The following SLC4A10 variants were observed in gnomAD, a reference collection of about 807,000 sequenced individuals.
SLC4A10 encodes sodium-driven chloride bicarbonate exchanger.
In SLC4A10, 42 loss-of-function variants were observed where a neutral mutation model predicts 137.7. That is an observed-to-expected ratio of 0.30 (90% CI 0.24 to 0.39). The LOEUF is 0.39. Ranked by LOEUF, SLC4A10 falls within the 10% of genes least tolerant of loss-of-function variation. The probability of loss-of-function intolerance (pLI) is 1.00; values close to 1 mark genes in which losing one functional copy is unlikely to be tolerated. For synonymous variants in SLC4A10, 474 were observed against 464.1 expected, an observed-to-expected ratio of 1.02 and a Z score of -0.27; for missense variants, 925 against 1,355.0, an observed-to-expected ratio of 0.68 and a Z score of 4.98.
intron 1 of SLC4A10, among the ~76,000 whole-genome samples, chr2:161,725,675 T>C (rs1235312223): frequency 6.6e-6 from 1 of 152,206 alleles, no homozygotes; most frequent in East Asian, 1.9e-4. Context: ...TCATTTGAGA[T>C]GTCTAAAGAA....
chr2:161,876,539 G>T (rs888071358), intron 8 of SLC4A10, among the ~76,000 whole-genome samples: 7 of 151,948 alleles, frequency 4.6e-5, no homozygotes, highest in African/African-American at 1.7e-4. Context: ...AATCAGCCAG[G>T]CATGGTGGCG....
intron 1 of SLC4A10, among the ~76,000 whole-genome samples, chr2:161,730,141 ACT>A (rs1016140530): frequency 2.6e-5 from 4 of 152,238 alleles, no homozygotes; most frequent in Non-Finnish European, 5.9e-5. Context: ...TAATTTAATT[ACT>A]TTGTTGCACT....
At chr2:161,770,905 AG>A in intron 1 of SLC4A10, 67 bp from the exon 2 acceptor site, 1 of 1,064,148 alleles carries the variant, frequency 9.4e-7, no homozygotes. Context: ...AATTATATCA[AG>A]GTTTGTTTTT....
chr2:161,665,606 A>G (rs1275416598), intron 1 of SLC4A10, among the ~76,000 whole-genome samples: 4 of 151,792 alleles, frequency 2.6e-5, no homozygotes, highest in Non-Finnish European at 4.4e-5. Context: ...AATGTATAGT[A>G]GTAGACACAA....
intron 9 of SLC4A10, among the ~76,000 whole-genome samples, chr2:161,879,550 T>G (rs1575419469): frequency 6.6e-6 from 1 of 151,166 alleles, no homozygotes; most frequent in Admixed American, 6.6e-5. Flanking sequence ...TGAATCCTTT[T>G]TTTTTTTTTT....
intron 1 of SLC4A10, among the ~76,000 whole-genome samples, chr2:161,759,720 G>A (rs969170050): frequency 4.0e-5 from 6 of 151,700 alleles, no homozygotes; most frequent in Non-Finnish European, 8.8e-5. Context: ...TTTTGCTATT[G>A]AGTTGTATTA....
At chr2:161,925,700 C>A (rs954982977) in intron 15 of SLC4A10, among the ~76,000 whole-genome samples, 23 of 152,026 alleles carry the variant, frequency 1.5e-4, no homozygotes, top group Admixed American at 1.2e-3. Context: ...GTGCTATAAA[C>A]TTCCCTCTAC....
intron 22 of SLC4A10, 144 bp downstream of exon 22, chr2:161,964,452 T>A: frequency 1.2e-6 from 1 of 835,540 alleles, no homozygotes. Flanking sequence ...AAAGTGTGAC[T>A]AAGATAGGGT....
intron 17 of SLC4A10, 109 bp downstream of exon 17, chr2:161,947,836 A>G (rs749496102): frequency 4.0e-6 from 5 of 1,242,632 alleles, no homozygotes; most frequent in Non-Finnish European, 4.4e-6. Context: ...GTGAGCTGCC[A>G]GGTTAGTTGT....
rs573345597 is a variant in SLC4A10 at position 161,856,871 on chromosome 2, C to T, written c.577+1741C>T. On this transcript the variant is annotated intron_variant, in intron 5 of 26. Transcript: ENST00000446997. ...AAAGGTTAAAGGCCTTGCTCTAAGG[C>T]GTTTATTTCTGCCGCTTAAATCGAT... 2.8e-4 allele frequency among the ~76,000 whole-genome samples: 42 copies of T among 152,196 alleles called. 1 individual carries two copies. The highest frequency in any genetic ancestry group is 4.8e-4 in the African/African-American group (20 of 41,554).
At chr2:161,976,183 A>G (rs1575963837) in intron 24 of SLC4A10, among the ~76,000 whole-genome samples, 1 of 152,320 alleles carries the variant, frequency 6.6e-6, no homozygotes, top group East Asian at 1.9e-4. Flanking sequence ...TAATTGAGAG[A>G]AATATTCAAT....
chr2:161,763,254 C>T (rs571418961), intron 1 of SLC4A10, among the ~76,000 whole-genome samples: 2 of 152,010 alleles, frequency 1.3e-5, no homozygotes, highest in Non-Finnish European at 2.9e-5. Context: ...AAGTCGTGTA[C>T]GTAGGTTGCC....
At chr2:161,650,013 A>G (rs749615258) in intron 1 of SLC4A10, among the ~76,000 whole-genome samples, 2 of 152,222 alleles carry the variant, frequency 1.3e-5, no homozygotes, top group Non-Finnish European at 2.9e-5. Context: ...ACATTGGTGT[A>G]TTACTTTCAA....
chr2:161,756,043 A>C (rs922290143), intron 1 of SLC4A10, among the ~76,000 whole-genome samples: 1 of 152,068 alleles, frequency 6.6e-6, no homozygotes, highest in Non-Finnish European at 1.5e-5. Context: ...TGCTGGGATT[A>C]CGGGCTTGAG....
chr2:161,808,779 G>T (rs754377655), intron 3 of SLC4A10, among the ~76,000 whole-genome samples: 17 of 152,108 alleles, frequency 1.1e-4, no homozygotes, highest in Non-Finnish European at 2.4e-4. Context: ...AGTATTCCAT[G>T]ATATATATGT....
At chr2:161,980,151 T>C (rs1700011896) in intron 26 of SLC4A10, among the ~76,000 whole-genome samples, 1 of 152,188 alleles carries the variant, frequency 6.6e-6, no homozygotes, top group Non-Finnish European at 1.5e-5. Flanking sequence ...CCAAGATCAG[T>C]GTGTCTGGAG....
chr2:161,936,185 G>A (rs1691549559), intron 15 of SLC4A10, among the ~76,000 whole-genome samples: 1 of 152,070 alleles, frequency 6.6e-6, no homozygotes, highest in African/African-American at 2.4e-5. Flanking sequence ...CATTTAATTT[G>A]CTGGTATATT....
intron 3 of SLC4A10, among the ~76,000 whole-genome samples, chr2:161,822,491 CT>C (rs771648394): frequency 1.3e-5 from 2 of 151,894 alleles, no homozygotes; most frequent in Non-Finnish European, 2.9e-5. Flanking sequence ...ACAAATTGTG[CT>C]TTTTTTTAAA....
chr2:161,636,198 T>C (rs974929224), intron 1 of SLC4A10, among the ~76,000 whole-genome samples: 2 of 152,178 alleles, frequency 1.3e-5, no homozygotes, highest in Non-Finnish European at 2.9e-5. Flanking sequence ...ACACATTTTC[T>C]GTGAACTTTT....
Sources: gnomAD v4.1 joint callset for allele counts (sites outside exome capture counted in the v4.1 genomes callset) on GRCh38, gnomAD v4.1.1 for gene constraint, MANE v1.5 for transcripts, NCBI Gene and HGNC (gene_info 2026-07-23, HGNC 2026-07-21) for gene names.